PXDNL: variants seen among roughly 807,000 people sequenced by gnomAD.
PXDNL encodes peroxidasin like, also known as probable oxidoreductase PXDNL.
PXDNL carries 145 observed loss-of-function variants against 150.8 expected under a neutral mutation model. The observed-to-expected ratio is 0.96, with a 90% CI of 0.84 to 1.10. The LOEUF (loss-of-function observed/expected upper bound fraction) is 1.10. Among genes scored for constraint, PXDNL ranks in the 50% least tolerant of loss-of-function variants. The probability of loss-of-function intolerance (pLI) is 0.00; values close to 1 mark genes in which losing one functional copy is unlikely to be tolerated. For missense variants in PXDNL, 2,087 were observed against 1,873.9 expected (o/e 1.11, Z -2.10); for synonymous variants, 757 against 725.7 (o/e 1.04, Z -0.69).
At chr8:51,799,429 A>G (rs2037596173) in intron 1 of PXDNL, among the ~76,000 whole-genome samples, 1 of 152,222 alleles carries the variant, frequency 6.6e-6, no homozygotes, top group African/African-American at 2.4e-5. Context: ...CTTCCTGAGA[A>G]AATGTGAGGT....
intron 17 of PXDNL, among the ~76,000 whole-genome samples, 156 bp from the exon 18 acceptor site, chr8:51,374,887 A>G (rs141051113): frequency 4.5e-4 from 68 of 152,326 alleles, no homozygotes; most frequent in East Asian, 1.5e-3. Context: ...AAAGCACTCA[A>G]ATGAAGGAAC....
chr8:51,374,018 A>G (rs1807217023), intron 18 of PXDNL, among the ~76,000 whole-genome samples: 1 of 152,240 alleles, frequency 6.6e-6, no homozygotes, highest in Non-Finnish European at 1.5e-5. Context: ...TTTACAATGA[A>G]CATTTTAGAC....
intron 12 of PXDNL, among the ~76,000 whole-genome samples, chr8:51,438,438 A>G (rs1433639734): frequency 6.6e-6 from 1 of 152,214 alleles, no homozygotes; most frequent in Non-Finnish European, 1.5e-5. Context: ...AGTCACCAAT[A>G]AAGCATGGAA....
intron 1 of PXDNL, among the ~76,000 whole-genome samples, chr8:51,685,356 G>A (rs961865626): frequency 6.6e-6 from 1 of 152,218 alleles, no homozygotes; most frequent in Non-Finnish European, 1.5e-5. Context: ...AACAGGCCAT[G>A]CCTTCATTCT....
chr8:51,395,643 T>C (rs1397071827), intron 17 of PXDNL, among the ~76,000 whole-genome samples: 1 of 152,096 alleles, frequency 6.6e-6, no homozygotes, highest in African/African-American at 2.4e-5. Flanking sequence ...TAAAAGATGA[T>C]ATAATTTGGT....
At chr8:51,532,256 T>A (rs1377483062) in intron 4 of PXDNL, among the ~76,000 whole-genome samples, 1 of 152,222 alleles carries the variant, frequency 6.6e-6, no homozygotes, top group Non-Finnish European at 1.5e-5. Context: ...CAGCAAAGCC[T>A]GTTATTTTTC....
chr8:51,656,450 C>T (rs546885342), intron 1 of PXDNL, among the ~76,000 whole-genome samples: 1 of 152,260 alleles, frequency 6.6e-6, no homozygotes, highest in Non-Finnish European at 1.5e-5. Flanking sequence ...GAGATCCTCC[C>T]TATAAACATA....
At chr8:51,483,191 T>C (rs986942369) in intron 6 of PXDNL, among the ~76,000 whole-genome samples, 1 of 152,182 alleles carries the variant, frequency 6.6e-6, no homozygotes, top group African/African-American at 2.4e-5. Flanking sequence ...ACACAGACCT[T>C]GCAAGCATGG....
At chr8:51,717,472 T>C (rs1816637867) in intron 1 of PXDNL, among the ~76,000 whole-genome samples, 1 of 152,176 alleles carries the variant, frequency 6.6e-6, no homozygotes, top group Non-Finnish European at 1.5e-5. Context: ...AGGGGACACA[T>C]CTGTCTGTTG....
At chr8:51,578,347 C>T (rs1297796120) in intron 3 of PXDNL, among the ~76,000 whole-genome samples, 1 of 151,796 alleles carries the variant, frequency 6.6e-6, no homozygotes, top group Non-Finnish European at 1.5e-5. Context: ...AAAATGTCAA[C>T]ACTGAAATTA....
intron 17 of PXDNL, among the ~76,000 whole-genome samples, chr8:51,404,392 CA>C (rs1218797133): frequency 2.0e-5 from 3 of 151,530 alleles, no homozygotes; most frequent in African/African-American, 7.3e-5. Flanking sequence ...GAGCTAGACA[CA>C]GAGTCCTGAT....
At chr8:51,782,748 T>C (rs751825338) in intron 1 of PXDNL, among the ~76,000 whole-genome samples, 2 of 152,218 alleles carry the variant, frequency 1.3e-5, no homozygotes, top group Non-Finnish European at 2.9e-5. Context: ...CAAGTCATGG[T>C]ACTTATCATG....
At chr8:51,322,087 G>A (rs1440630478) in intron 21 of PXDNL, among the ~76,000 whole-genome samples, 1 of 152,142 alleles carries the variant, frequency 6.6e-6, no homozygotes, top group Non-Finnish European at 1.5e-5. Flanking sequence ...GGGAGAAGGT[G>A]GCCATCAGCA....
intron 1 of PXDNL, among the ~76,000 whole-genome samples, chr8:51,800,220 T>C (rs570737852): frequency 4.6e-5 from 7 of 152,244 alleles, no homozygotes; most frequent in East Asian, 3.9e-4. Flanking sequence ...ACTGGGCCAA[T>C]TGGCTCATTC....
chr8:51,792,102 G>A (rs2037518266), intron 1 of PXDNL, among the ~76,000 whole-genome samples: 1 of 152,106 alleles, frequency 6.6e-6, no homozygotes, highest in Non-Finnish European at 1.5e-5. Context: ...CCTTAAGTAA[G>A]AAGAGCAATC....
chr8:51,596,342 G>A (rs1390273805), intron 2 of PXDNL, among the ~76,000 whole-genome samples: 1 of 152,114 alleles, frequency 6.6e-6, no homozygotes, highest in African/African-American at 2.4e-5. Context: ...CTATTATGTA[G>A]AGAGCTGTGA....
At position 51,372,090 on chromosome 8, in the gene PXDNL, C is replaced by CA; in HGVS notation, c.3693-10dup. The CA allele has an allele frequency of 4.1e-6, 6 of 1,469,422 alleles. No individual in the cohort carries two copies. The highest frequency in any genetic ancestry group is 5.5e-6 in the Non-Finnish European group (6 of 1,096,440). 91.0% of individuals were successfully genotyped at this position (1,469,422 alleles called of 1,614,324 possible). A position where few individuals can be genotyped will look rare whatever the true frequency, so the allele number is the denominator to read the frequency against. The stretch of plus-strand genomic sequence containing the variant: ...GGTTTTCATACCAGAACCTGGTAGT[C>CA]AACCAAAAAAAAAACATTGTCGTGG... On this transcript the variant is annotated splice_polypyrimidine_tract_variant and intron_variant, in intron 18 of 22. Coordinates refer to ENST00000356297, the MANE Select transcript of PXDNL (RefSeq NM_144651.5).
At chr8:51,586,248 G>C (rs1200520891) in intron 3 of PXDNL, among the ~76,000 whole-genome samples, 3 of 152,172 alleles carry the variant, frequency 2.0e-5, no homozygotes, top group Non-Finnish European at 4.4e-5. Flanking sequence ...GCACAATCTA[G>C]CTGGCTAGAG....
intron 4 of PXDNL, among the ~76,000 whole-genome samples, chr8:51,524,654 A>G (rs569430515): frequency 3.9e-5 from 6 of 152,346 alleles, no homozygotes; most frequent in African/African-American, 1.4e-4. Flanking sequence ...TTTCTATAAA[A>G]TAAGTACTTC....
Sources: allele counts gnomAD v4.1 joint callset (sites outside exome capture counted in the v4.1 genomes callset), GRCh38; gene constraint gnomAD v4.1.1; transcripts MANE v1.5; gene names NCBI Gene and HGNC (gene_info 2026-07-23, HGNC 2026-07-21).